Variants in PCMT1 observed in about 807,000 individuals in gnomAD.
PCMT1 encodes protein-L-isoaspartate(D-aspartate) O-methyltransferase.
In PCMT1, 9 loss-of-function variants were observed where a neutral mutation model predicts 29.2. The ratio of observed to expected loss-of-function variants is 0.31; its 90% CI spans 0.19 to 0.54. The LOEUF is 0.54. Ranked by LOEUF, PCMT1 falls within the 20% of genes least tolerant of loss-of-function variation. PCMT1 has a pLI of 0.95. For missense variants in PCMT1, 184 were observed against 282.2 expected, an observed-to-expected ratio of 0.65 and a Z score of 2.49; for synonymous variants, 98 against 97.5, an observed-to-expected ratio of 1.00 and a Z score of -0.03.
At chr6:149,790,360 G>C (rs1788309399) in intron 4 of PCMT1, among the ~76,000 whole-genome samples, 3 of 152,088 alleles carry the variant, frequency 2.0e-5, no homozygotes, top group Admixed American at 6.6e-5. Flanking sequence ...GGTTCTCTCT[G>C]TTTCTTGATT....
chr6:149,785,222 A>T (rs1787973871), intron 3 of PCMT1, among the ~76,000 whole-genome samples: 1 of 117,460 alleles, frequency 8.5e-6, no homozygotes, highest in African/African-American at 4.4e-5. Flanking sequence ...TTCCTGTTGC[A>T]TCATATCAGG....
At chr6:149,761,637 T>C (rs1475256359) in intron 1 of PCMT1, among the ~76,000 whole-genome samples, 1 of 152,284 alleles carries the variant, frequency 6.6e-6, no homozygotes, top group South Asian at 2.1e-4. Context: ...TCTTTTGTGG[T>C]TACCTTTGTA....
At chr6:149,798,778 C>A (rs555666973) in intron 6 of PCMT1, among the ~76,000 whole-genome samples, 3 of 152,246 alleles carry the variant, frequency 2.0e-5, no homozygotes, top group African/African-American at 7.2e-5. Flanking sequence ...GTTTGCACTG[C>A]AAAACTCTGA....
intron 3 of PCMT1, among the ~76,000 whole-genome samples, chr6:149,786,946 G>T (rs1788127505): frequency 7.3e-6 from 1 of 137,732 alleles, no homozygotes; most frequent in Non-Finnish European, 1.5e-5. Context: ...GGTAGAGGTT[G>T]TAGCTAGCCG....
rs575787688 is a variant in PCMT1, at chr6:149,799,723, G to A, written c.505-2477G>A. Among the ~76,000 whole-genome samples, 6 of 152,278 alleles carry A rather than the reference G, an allele frequency of 3.9e-5. No homozygotes were observed. The South Asian group carries it at 1.2e-3, about 32-fold the overall frequency. The stretch of plus-strand genomic sequence containing the variant: ...GGGCATCTTAATCAGGCAGAGGCAT[G>A]GAAGTTTGCAGGATTGTTACAAAGG... On this transcript the variant is annotated intron_variant, in intron 6 of 7. Transcript: ENST00000464889.
chr6:149,787,257 G>C (rs1389028205), intron 3 of PCMT1, among the ~76,000 whole-genome samples: 12 of 149,064 alleles, frequency 8.1e-5, no homozygotes, highest in African/African-American at 2.5e-5. Flanking sequence ...CGGCATCAGA[G>C]GGAGACCGTG....
chr6:149,791,861 G>A (rs9689269), intron 4 of PCMT1, among the ~76,000 whole-genome samples: 81,130 of 152,054 alleles, frequency 0.53, 24,834 homozygotes, highest in East Asian at 0.83. Context: ...TTTCTGAGTT[G>A]TTTTTCATAA....
chr6:149,786,530 C>G (rs1406043949), intron 3 of PCMT1, among the ~76,000 whole-genome samples: 1 of 108,802 alleles, frequency 9.2e-6, no homozygotes, highest in African/African-American at 5.4e-5. Context: ...GGGCGGCTGC[C>G]GGGCGGAGGG....
chr6:149,768,118 G>A (rs1320600601), intron 1 of PCMT1, among the ~76,000 whole-genome samples: 1 of 151,610 alleles, frequency 6.6e-6, no homozygotes, highest in Non-Finnish European at 1.5e-5. Flanking sequence ...TTGAGACAGG[G>A]CCTTACTCTG....
intron 1 of PCMT1, among the ~76,000 whole-genome samples, chr6:149,758,208 C>CTTTTTTTTTTTTTTT (rs756014067): frequency 1.9e-3 from 138 of 73,806 alleles, no homozygotes; most frequent in East Asian, 3.0e-3. Flanking sequence ...TTCTTTCTTT[C>CTTTTTTTTTTTTTTT]TTTTTTTTTT....
rs1788609844 is a variant in PCMT1 at position 149,796,321 on chromosome 6, C to A, written c.419-94C>A. 4 of 676,660 alleles carry A rather than the reference C, an allele frequency of 5.9e-6. No homozygotes were observed. The Admixed American group carries it at 1.1e-4, about 18-fold the overall frequency. The allele number at this position is 676,660 out of a possible 1,614,324, so 41.9% of individuals were successfully genotyped here. Reference sequence around the variant, plus strand: ...GTCCCAGGATCATTTATTGAAAAATCTATCCTTTCTCCATTGTAAACCTCC... The same window carrying A: ...GTCCCAGGATCATTTATTGAAAAATATATCCTTTCTCCATTGTAAACCTCC... On this transcript the variant is annotated intron_variant, in intron 5 of 7. Coordinates refer to ENST00000464889, the MANE Select transcript of PCMT1 (RefSeq NM_001360452.2).
Position 149,811,263 on chromosome 6 carries a change from C to T in PCMT1, c.*685C>T, listed in dbSNP as rs1455215223. The T allele has an allele frequency of 6.6e-6, 1 of 152,670 alleles. No homozygotes were observed. The highest frequency in any genetic ancestry group is 2.4e-5 in the African/African-American group (1 of 41,458). 9.5% of individuals were successfully genotyped at this position (152,670 alleles called of 1,614,324 possible). A position where few individuals can be genotyped will look rare whatever the true frequency, so the allele number is the denominator to read the frequency against. Reference sequence around the variant, plus strand: ...GACTTAGTTCTTCCCTTCTCTCTCTCTCAAAATTATAGGAGACTTGTAGTT... The same window carrying T: ...GACTTAGTTCTTCCCTTCTCTCTCTTTCAAAATTATAGGAGACTTGTAGTT... On this transcript the variant is annotated 3_prime_UTR_variant, in exon 8 of 8. Transcript: ENST00000464889.
In PCMT1 at chr6:149,810,649, G is replaced by A. The variant is rs1268101181; in HGVS notation, c.*71G>A. 6.5e-6 allele frequency: 10 copies of A among 1,541,884 alleles called. No individual in the cohort carries two copies. In the Admixed American group the frequency reaches 2.0e-4, roughly 30 times the overall value. The stretch of plus-strand genomic sequence containing the variant: ...TGTAAAAGCAACATCAGCTTGACCA[G>A]TATAAAATTACAGTGGATTGCTCAT... On this transcript the variant is annotated 3_prime_UTR_variant, in exon 8 of 8. Coordinates refer to ENST00000464889, the MANE Select transcript of PCMT1 (RefSeq NM_001360452.2).
rs750160999 is a variant in PCMT1, at chr6:149,749,745, T to TGGCGGCAGC, written c.-150_-142dup. The TGGCGGCAGC allele has an allele frequency of 2.7e-5, 42 of 1,546,016 alleles. No homozygotes were observed. The highest frequency in any genetic ancestry group is 2.0e-4 in the South Asian group (17 of 83,834). The stretch of plus-strand genomic sequence containing the variant: ...CGCGGGGGATGCCGGGAGCGCGCAG[T>TGGCGGCAGC]GGCGGCAGCGGCGGCGACGGCAGTA... On this transcript the variant is annotated 5_prime_UTR_variant, in exon 1 of 8. Coordinates refer to ENST00000464889, the MANE Select transcript of PCMT1 (RefSeq NM_001360452.2).
intron 1 of PCMT1, among the ~76,000 whole-genome samples, chr6:149,770,850 T>G (rs1787285709): frequency 1.1e-5 from 1 of 93,298 alleles, no homozygotes; most frequent in South Asian, 3.3e-4. Context: ...ATACAAAAAA[T>G]TAGCCAGGCG....
At chr6:149,783,146 T>A (rs1245736541) in intron 3 of PCMT1, among the ~76,000 whole-genome samples, 3 of 152,188 alleles carry the variant, frequency 2.0e-5, no homozygotes, top group Non-Finnish European at 2.9e-5. Context: ...ATTATTATTT[T>A]TTTTCAAGTC....
At chr6:149,754,072 A>G (rs1786428147) in intron 1 of PCMT1, among the ~76,000 whole-genome samples, 1 of 152,236 alleles carries the variant, frequency 6.6e-6, no homozygotes, top group African/African-American at 2.4e-5. Context: ...ATGCTTTAGA[A>G]TAATGTTTTA....
chr6:149,782,844 G>A (rs888338692), intron 3 of PCMT1, among the ~76,000 whole-genome samples: 1 of 152,046 alleles, frequency 6.6e-6, no homozygotes, highest in Non-Finnish European at 1.5e-5. Context: ...AAATGTGGAA[G>A]GAATAATGAA....
At chr6:149,777,825 CTTCT>C (rs1333033767) in intron 3 of PCMT1, among the ~76,000 whole-genome samples, 9 of 140,926 alleles carry the variant, frequency 6.4e-5, no homozygotes, top group Non-Finnish European at 9.1e-5. Context: ...TCTTTCTTTT[CTTCT>C]TTCTTTTTCT....
Sources: allele counts gnomAD v4.1 joint callset (sites outside exome capture counted in the v4.1 genomes callset), GRCh38; gene constraint gnomAD v4.1.1; transcripts MANE v1.5; gene names NCBI Gene and HGNC (gene_info 2026-07-23, HGNC 2026-07-21).